The following EPHX4 variants were observed in gnomAD, a reference collection of about 807,000 sequenced individuals.
EPHX4 encodes the protein epoxide hydrolase 4.
In EPHX4, 31 loss-of-function variants were observed where a neutral mutation model predicts 44.9. The observed-to-expected ratio is 0.69, with a 90% CI of 0.52 to 0.93. EPHX4 has a LOEUF of 0.93. Ranked by LOEUF, EPHX4 falls within the 40% of genes least tolerant of loss-of-function variation. The pLI, the probability that EPHX4 is intolerant of heterozygous loss-of-function variation, is 0.00. For missense variants in EPHX4, 373 were observed against 438.1 expected (o/e 0.85, Z 1.33); for synonymous variants, 151 against 159.7 (o/e 0.95, Z 0.41).
chr1:92,053,231 CAG>C (rs1471341335), intron 6 of EPHX4, among the ~76,000 whole-genome samples: 1 of 152,024 alleles, frequency 6.6e-6, no homozygotes, highest in African/African-American at 2.4e-5. Context: ...AGATTGGGGA[CAG>C]GGGGACAGGC....
intron 6 of EPHX4, among the ~76,000 whole-genome samples, chr1:92,060,864 AGTGG>A (rs1045842776): frequency 2.0e-5 from 3 of 151,880 alleles, no homozygotes; most frequent in Non-Finnish European, 4.4e-5. Context: ...CTAGAATGTA[AGTGG>A]CTTTAAAGTT....
intron 2 of EPHX4, among the ~76,000 whole-genome samples, chr1:92,035,770 C>A (rs572249601): frequency 6.6e-6 from 1 of 152,236 alleles, no homozygotes; most frequent in South Asian, 2.1e-4. Flanking sequence ...TCCCTCTCCC[C>A]ACCCCCAACA....
intron 2 of EPHX4, among the ~76,000 whole-genome samples, chr1:92,041,930 T>G (rs1688514069): frequency 6.6e-6 from 1 of 152,168 alleles, no homozygotes; most frequent in Non-Finnish European, 1.5e-5. Flanking sequence ...ATGCCTGTAA[T>G]CCTAGCTACT....
At chr1:92,035,781 G>A (rs1043710529) in intron 2 of EPHX4, among the ~76,000 whole-genome samples, 6 of 151,986 alleles carry the variant, frequency 3.9e-5, no homozygotes, top group Non-Finnish European at 7.4e-5. Context: ...ACCCCCAACA[G>A]GCTCCAGTGT....
chr1:92,045,015 T>G (rs998759160), intron 3 of EPHX4, among the ~76,000 whole-genome samples: 1 of 152,200 alleles, frequency 6.6e-6, no homozygotes, highest in Non-Finnish European at 1.5e-5. Flanking sequence ...CAGGCTGGAA[T>G]GCAGTGGCAT....
At chr1:92,036,904 C>CA (rs780419255) in intron 2 of EPHX4, among the ~76,000 whole-genome samples, 3 of 152,068 alleles carry the variant, frequency 2.0e-5, no homozygotes, top group South Asian at 4.1e-4. Flanking sequence ...ATCAAATTGC[C>CA]ACTGTTACCC....
chr1:92,053,775 G>T (rs954384827), intron 6 of EPHX4, among the ~76,000 whole-genome samples: 2 of 152,102 alleles, frequency 1.3e-5, no homozygotes, highest in African/African-American at 2.4e-5. Context: ...GAGAGGAAAC[G>T]CTAGAACAGG....
chr1:92,040,759 C>G (rs553764403), intron 2 of EPHX4, among the ~76,000 whole-genome samples: 7 of 152,144 alleles, frequency 4.6e-5, no homozygotes, highest in Non-Finnish European at 8.8e-5. Context: ...CCGCACCTGG[C>G]CTGTTTGTTA....
chr1:92,051,968 ATTCTTT>A (rs1224246097), intron 5 of EPHX4, among the ~76,000 whole-genome samples: 1 of 152,208 alleles, frequency 6.6e-6, no homozygotes, highest in African/African-American at 2.4e-5. Context: ...ATATATGCTC[ATTCTTT>A]TTCTTTTTAC....
intron 2 of EPHX4, among the ~76,000 whole-genome samples, chr1:92,039,296 G>C (rs1688479961): frequency 3.3e-5 from 5 of 152,210 alleles, no homozygotes; most frequent in Admixed American, 3.3e-4. Flanking sequence ...GAGCAGAGGG[G>C]AATGAAAGCG....
In EPHX4 at chr1:92,030,125, C is replaced by T; in HGVS notation, c.46C>T (p.Arg16Trp). 1 of 1,611,140 alleles carries T rather than the reference C, an allele frequency of 6.2e-7. No homozygotes were observed. Among genetic ancestry groups the T allele is most frequent in the South Asian group, 1.1e-5 (1 of 90,712 alleles). ...CCTGCCCCGCCTGATGCTCACGCTCCGGTCCCTGCTCTTCTGGTCCCTGGT... is the reference window on the plus strand; with the variant it reads ...CCTGCCCCGCCTGATGCTCACGCTCTGGTCCCTGCTCTTCTGGTCCCTGGT... ...DCLPRLMLTLRSLLFWSLVYC... is the reference protein window; with the variant it reads ...DCLPRLMLTLWSLLFWSLVYC... The change falls in exon 1 of 7, where the codon CGG (arginine) becomes TGG (tryptophan). Residue 16 changes from arginine (R) to tryptophan (W), a missense_variant. By Grantham distance (101) the Arg-to-Trp change is moderately radical. Transcript: ENST00000370383.
At chr1:92,032,939 A>C (rs1457095130) in intron 2 of EPHX4, among the ~76,000 whole-genome samples, 3 of 152,122 alleles carry the variant, frequency 2.0e-5, no homozygotes, top group Non-Finnish European at 4.4e-5. Flanking sequence ...AATTTTTGAG[A>C]CAAGGTCTTA....
In EPHX4 at chr1:92,034,018, T is replaced by A. The variant is rs890602716; in HGVS notation, c.317+1428T>A. ...TAAACTTTTTTTTTTTTTTTTTTTT[T>A]AATGAACATCTTTAAAAGAGGTGGT... On this transcript the variant is annotated intron_variant, in intron 2 of 6. Coordinates refer to ENST00000370383, the MANE Select transcript of EPHX4 (RefSeq NM_173567.5). Among the ~76,000 whole-genome samples, 5 of 148,272 alleles carry A rather than the reference T, an allele frequency of 3.4e-5. No individual in the cohort carries two copies. In the East Asian group the frequency reaches 7.9e-4, roughly 23 times the overall value.
chr1:92,063,314 G>A lies in EPHX4; in HGVS notation c.*28G>A, dbSNP rs749503928. The stretch of plus-strand genomic sequence containing the variant: ...TTTCTTTATCTTCTATGAAGGGTCT[G>A]TAATGAAATCTCTAAATAATTTTTA... On this transcript the variant is annotated 3_prime_UTR_variant, in exon 7 of 7. Coordinates refer to ENST00000370383, the MANE Select transcript of EPHX4 (RefSeq NM_173567.5). 8 of 1,440,928 alleles carry A rather than the reference G, an allele frequency of 5.6e-6. No individual in the cohort carries two copies. The East Asian group carries it at 1.9e-4, about 34-fold the overall frequency. The allele number at this position is 1,440,928 out of a possible 1,614,324, so 89.3% of individuals were successfully genotyped here.
intron 2 of EPHX4, among the ~76,000 whole-genome samples, chr1:92,033,997 C>CTTTTTTTTTTTTTTTTTT: frequency 9.2e-6 from 1 of 109,156 alleles, no homozygotes; most frequent in Non-Finnish European, 1.8e-5. Context: ...CATGTTTAAA[C>CTTTTTTTTTTTTTTTTTT]TTTTTTTTTT....
intron 2 of EPHX4, among the ~76,000 whole-genome samples, chr1:92,038,857 A>G (rs1005947894): frequency 7.2e-5 from 11 of 152,210 alleles, no homozygotes; most frequent in Admixed American, 2.6e-4. Context: ...GCAGTATAAC[A>G]TGGACTCTGG....
chr1:92,052,624 A>G lies in EPHX4; in HGVS notation c.823A>G (p.Ser275Gly), dbSNP rs1275724481. 6.2e-7 allele frequency: 1 copy of G among 1,611,280 alleles called. No homozygotes were observed. Among genetic ancestry groups the G allele is most frequent in the Admixed American group, 1.7e-5 (1 of 59,464 alleles). ...IYVFSQPGAL[S>G]GPINHYRNIF... ...TGTCTTTTCTCAGCCTGGAGCATTA[A>G]GTGGCCCAATTAACCATTACCGAAA... Residue 275 changes from serine (S) to glycine (G), a missense_variant, in exon 6 of 7, where the codon AGT becomes GGT. Physicochemically the swap from Ser to Gly is moderately conservative, Grantham distance 56 (BLOSUM62 0). Transcript: ENST00000370383.
intron 2 of EPHX4, among the ~76,000 whole-genome samples, chr1:92,042,311 G>T (rs1688519344): frequency 6.6e-6 from 1 of 152,170 alleles, no homozygotes; most frequent in Admixed American, 6.5e-5. Flanking sequence ...CTGGTAAAAA[G>T]ACAAAATAAT....
At chr1:92,061,140 T>TA (rs374297334) in intron 6 of EPHX4, among the ~76,000 whole-genome samples, 17 of 152,274 alleles carry the variant, frequency 1.1e-4, no homozygotes, top group African/African-American at 4.1e-4. Context: ...TTGGCCTCCC[T>TA]AAGTGCTGGG....
Sources: gnomAD v4.1 joint callset for allele counts (sites outside exome capture counted in the v4.1 genomes callset) on GRCh38, gnomAD v4.1.1 for gene constraint, MANE v1.5 for transcripts, NCBI Gene and HGNC (gene_info 2026-07-23, HGNC 2026-07-21) for gene names.